The following RIF1 variants were observed in gnomAD, a reference collection of about 807,000 sequenced individuals.
RIF1 encodes telomere-associated protein RIF1.
RIF1 carries 45 observed loss-of-function variants against 247.1 expected under a neutral mutation model. The observed-to-expected ratio is 0.18, with a 90% confidence interval of 0.14 to 0.23. RIF1 has a LOEUF of 0.23. RIF1 is among the 10% of genes least tolerant of loss of function. The pLI is 1.00. For synonymous variants in RIF1, 1,087 were observed against 978.8 expected (o/e 1.11, Z -2.06); for missense variants, 2,967 against 2,862.5 (o/e 1.04, Z -0.83).
intron 9 of RIF1, among the ~76,000 whole-genome samples, chr2:151,488,516 T>C (rs1345101678): frequency 6.6e-6 from 1 of 151,000 alleles, no homozygotes; most frequent in Non-Finnish European, 1.5e-5. Context: ...GAATGGCATA[T>C]ACACCTGTAG....
At chr2:151,527,376 C>A in the RIF1 span, 1 of 975,946 alleles carries the variant, frequency 1.0e-6, no homozygotes, top group Non-Finnish European at 1.5e-6. Flanking sequence ...GGATCTCAAA[C>A]GAGCAAGGGT....
At chr2:151,458,226 ATTTTTTTTT>A (rs71403171) in intron 24 of RIF1, among the ~76,000 whole-genome samples, 15 of 99,176 alleles carry the variant, frequency 1.5e-4, no homozygotes, top group African/African-American at 5.3e-4. Context: ...GAAATAGATG[ATTTTTTTTT>A]TTTTTTTTTT....
At chr2:151,485,967 A>G (rs16830090), downstream of RIF1, 456,056 of 1,604,622 alleles carry the variant, frequency 0.28, 67,280 homozygotes, top group Admixed American at 0.39. Flanking sequence ...GAAATATTAT[A>G]TGTTGGATTT....
intron 9 of RIF1, among the ~76,000 whole-genome samples, chr2:151,430,186 A>G (rs1168627381): frequency 1.3e-5 from 2 of 151,506 alleles, no homozygotes; most frequent in Non-Finnish European, 2.9e-5. Context: ...ACGCCCAGCT[A>G]ATTTTTTTGT....
chr2:151,484,187 A>G (rs143590037), downstream of RIF1, among the ~76,000 whole-genome samples: 355 of 152,346 alleles, frequency 2.3e-3, 9 homozygotes, highest in East Asian at 0.046. Context: ...TGCATGTTGA[A>G]CATTTTCCAG....
In RIF1 at chr2:151,443,870, C is replaced by T. The variant is rs115904908; in HGVS notation, c.1986+161C>T. Among the ~76,000 whole-genome samples the T allele has an allele frequency of 9.4e-3, 1,429 of 152,124 alleles. 12 individuals carry two copies. Among genetic ancestry groups the T allele is most frequent in the Non-Finnish European group, 0.014 (966 of 68,012 alleles). Reference sequence around the variant, plus strand: ...ACTTTTGATTGATTTTATTGCATTTCTCCCTCACTGGTAAAGAAACTATAA... The same window carrying T: ...ACTTTTGATTGATTTTATTGCATTTTTCCCTCACTGGTAAAGAAACTATAA... On this transcript the variant is annotated intron_variant, in intron 18 of 35. Coordinates refer to ENST00000444746, the MANE Select transcript of RIF1 (RefSeq NM_018151.5).
chr2:151,477,103 G>A lies in RIF1; in HGVS notation c.*2032G>A, dbSNP rs1420110600. ...TAAAGCTGCATTTAAAAATATTTGG[G>A]AGCAAAGACAAGCATGCTAAATCTT... is the stretch of plus-strand genomic sequence containing the variant. On this transcript the variant is annotated 3_prime_UTR_variant, in exon 36 of 36. Coordinates refer to ENST00000444746, the MANE Select transcript of RIF1 (RefSeq NM_018151.5). 2 of 152,108 alleles carry A rather than the reference G, an allele frequency of 1.3e-5. No individual in the cohort carries two copies. Among genetic ancestry groups the A allele is most frequent in the Non-Finnish European group, 2.9e-5 (2 of 68,014 alleles). The allele number at this position is 152,108 out of a possible 1,614,324, so 9.4% of individuals were successfully genotyped here.
At chr2:151,416,736 A>C (rs1419781631) in intron 5 of RIF1, 48 bp downstream of exon 5, 8 of 1,601,804 alleles carry the variant, frequency 5.0e-6, no homozygotes, top group Non-Finnish European at 5.9e-6. Context: ...GCCAATTAAA[A>C]GAAAAAACTA....
Position 151,474,908 on chromosome 2 carries a change from C to T in RIF1, c.7256C>T (p.Ala2419Val), listed in dbSNP as rs771838489. The change falls in exon 36 of 36, where the codon GCA becomes GTA. Residue 2419 changes from alanine to valine, a missense_variant. This residue lies in a region of RIF1 where 151 missense variants were observed against 163.4 expected (regional missense o/e 0.92). Coordinates refer to ENST00000444746, the MANE Select transcript of RIF1 (RefSeq NM_018151.5). Reference protein sequence around the residue: ...LEIPLSKNLLAQISALALQLD... With the variant: ...LEIPLSKNLLVQISALALQLD... ...ATTCCATTATCCAAAAACCTTCTGGCACAGATTAGTGCTCTTGCTCTTCAG... is the reference window on the plus strand; with the variant it reads ...ATTCCATTATCCAAAAACCTTCTGGTACAGATTAGTGCTCTTGCTCTTCAG... The T allele has an allele frequency of 1.1e-5, 17 of 1,606,202 alleles. No individual in the cohort carries two copies. The highest frequency in any genetic ancestry group is 1.4e-5 in the Non-Finnish European group (17 of 1,173,036).
chr2:151,532,404 A>G, the RIF1 span, among the ~76,000 whole-genome samples: 1 of 152,210 alleles, frequency 6.6e-6, no homozygotes. Flanking sequence ...GCATTTTTCC[A>G]TGTCAAAGAT....
At chr2:151,450,503 T>G (rs748211827) in intron 20 of RIF1, among the ~76,000 whole-genome samples, 87 of 152,334 alleles carry the variant, frequency 5.7e-4, no homozygotes, top group Middle Eastern at 6.8e-3. Flanking sequence ...TGCCTTTTTC[T>G]TAAATTCTAC....
Position 151,469,815 on chromosome 2 carries a change from C to T in RIF1, c.7046C>T (p.Pro2349Leu), listed in dbSNP as rs1335648096. The T allele has an allele frequency of 6.2e-7, 1 of 1,610,992 alleles. No individual in the cohort carries two copies. The highest frequency in any genetic ancestry group is 8.5e-7 in the Non-Finnish European group (1 of 1,178,368). Residue 2349 changes from proline to leucine, a missense_variant, in exon 34 of 36, where the codon CCA (proline) becomes CTA (leucine). Physicochemically the swap from Pro to Leu is moderately conservative, Grantham distance 98. Transcript: ENST00000444746. ...SEIKTLPIRSPKVSNVKKALR... is the reference protein window; with the variant it reads ...SEIKTLPIRSLKVSNVKKALR... Reference sequence around the variant, plus strand: ...ATAAAAACTCTTCCTATCCGTTCTCCAAAAGTGTCCAATGTAAAAAAGGCT... The same window carrying T: ...ATAAAAACTCTTCCTATCCGTTCTCTAAAAGTGTCCAATGTAAAAAAGGCT...
rs1414773653 is a variant in RIF1 at position 151,475,866 on chromosome 2, C to T, written c.*795C>T. 6.6e-6 allele frequency: 1 copy of T among 152,360 alleles called. No homozygotes were observed. The allele number at this position is 152,360 out of a possible 1,614,324, so 9.4% of individuals were successfully genotyped here. On this transcript the variant is annotated 3_prime_UTR_variant, in exon 36 of 36. Transcript: ENST00000444746. ...TTATTGTGAATACCTTGGTTCTGTTCAATAGAAACATTTTGTATATATTAA... is the reference window on the plus strand; with the variant it reads ...TTATTGTGAATACCTTGGTTCTGTTTAATAGAAACATTTTGTATATATTAA...
In RIF1 at chr2:151,477,071, A is replaced by G. The variant is rs1365262939; in HGVS notation, c.*2000A>G. On this transcript the variant is annotated 3_prime_UTR_variant, in exon 36 of 36. Transcript: ENST00000444746. ...CAAGTATTAATTTTAAAAACATTATAGTTTAATAAAGCTGCATTTAAAAAT... is the reference window on the plus strand; with the variant it reads ...CAAGTATTAATTTTAAAAACATTATGGTTTAATAAAGCTGCATTTAAAAAT... 1 of 152,240 alleles carries G rather than the reference A, an allele frequency of 6.6e-6. No individual in the cohort carries two copies. Among genetic ancestry groups the G allele is most frequent in the Non-Finnish European group, 1.5e-5 (1 of 68,046 alleles). The allele number at this position is 152,240 out of a possible 1,614,324, so 9.4% of individuals were successfully genotyped here.
At chr2:151,466,659 A>T (rs931503999) in intron 30 of RIF1, among the ~76,000 whole-genome samples, 2 of 152,330 alleles carry the variant, frequency 1.3e-5, no homozygotes, top group Non-Finnish European at 1.5e-5. Flanking sequence ...GAAAAGATGG[A>T]TTATCTATAT....
the RIF1 span, chr2:151,534,305 A>C: frequency 4.9e-5 from 79 of 1,613,270 alleles, no homozygotes; most frequent in Non-Finnish European, 6.5e-5. Context: ...GCTCATAATC[A>C]GCTCTGTATT....
Position 151,455,166 on chromosome 2 carries a change from A to G in RIF1, c.2609+7A>G. On this transcript the variant is annotated splice_region_variant and intron_variant, in intron 22 of 35. Coordinates refer to ENST00000444746, the MANE Select transcript of RIF1 (RefSeq NM_018151.5). Reference sequence around the variant, plus strand: ...TATTTTATGAAAACTCAAAGTAAGTATTTTGGACTAAGTAGCTTTGAATTA... The same window carrying G: ...TATTTTATGAAAACTCAAAGTAAGTGTTTTGGACTAAGTAGCTTTGAATTA... The G allele has an allele frequency of 6.3e-7, 1 of 1,598,620 alleles. No homozygotes were observed. Among genetic ancestry groups the G allele is most frequent in the Non-Finnish European group, 8.5e-7 (1 of 1,170,800 alleles).
In RIF1 at chr2:151,457,891, G is replaced by A. The variant is rs778622650; in HGVS notation, c.2783G>A (p.Arg928Gln). The change falls in exon 24 of 36, where the codon CGA (arginine) becomes CAA (glutamine). Residue 928 changes from arginine to glutamine, a missense_variant. Physicochemically the swap from Arg to Gln is conservative, Grantham distance 43. Coordinates refer to ENST00000444746, the MANE Select transcript of RIF1 (RefSeq NM_018151.5). Reference protein sequence around the residue: ...IIFLHKNKQIRKQSAQFWNAT... With the variant: ...IIFLHKNKQIQKQSAQFWNAT... ...TTTCTGCACAAGAATAAACAGATTC[G>A]AAAACAGAGTGCTCAGTTCTGGAAT... The A allele has an allele frequency of 9.3e-6, 15 of 1,613,828 alleles. No individual in the cohort carries two copies. Among genetic ancestry groups the A allele is most frequent in the African/African-American group, 8.0e-5 (6 of 75,004 alleles).
intron 10 of RIF1, chr2:151,498,085 G>A (rs924567945): frequency 6.8e-7 from 1 of 1,469,304 alleles, no homozygotes; most frequent in Admixed American, 2.5e-5. Context: ...AATATCAGAT[G>A]AAGTAAAAAA....
Sources: allele counts gnomAD v4.1 joint callset (sites outside exome capture counted in the v4.1 genomes callset), GRCh38; gene constraint gnomAD v4.1.1; regional missense constraint gnomAD v4.1.1; transcripts MANE v1.5; gene names NCBI Gene and HGNC (gene_info 2026-07-23, HGNC 2026-07-21).